Variants in PEX5L observed in about 807,000 individuals in gnomAD.
PEX5L encodes PEX5-related protein.
A neutral mutation model predicts 84.0 loss-of-function variants in PEX5L; 30 were observed. The observed-to-expected ratio is 0.36, with a 90% CI of 0.27 to 0.48. The LOEUF (loss-of-function observed/expected upper bound fraction) is 0.48, where lower values mean the gene tolerates loss of function less well. PEX5L is among the 20% of genes least tolerant of loss of function. PEX5L has a pLI of 0.99. For missense variants in PEX5L, 533 were observed against 754.6 expected (o/e 0.71, Z 3.44); for synonymous variants, 270 against 283.1 (o/e 0.95, Z 0.46).
intron 2 of PEX5L, among the ~76,000 whole-genome samples, chr3:179,935,390 A>AT (rs1198919273): frequency 8.5e-5 from 13 of 152,138 alleles, no homozygotes; most frequent in Admixed American, 6.5e-4. Flanking sequence ...ACTTGTAAGT[A>AT]TTTTCCTGTT....
At chr3:179,990,481 C>T (rs1211449377) in intron 1 of PEX5L, among the ~76,000 whole-genome samples, 1 of 152,054 alleles carries the variant, frequency 6.6e-6, no homozygotes, top group Non-Finnish European at 1.5e-5. Flanking sequence ...TCACTGTAGG[C>T]TCAACCTCCC....
intron 2 of PEX5L, among the ~76,000 whole-genome samples, chr3:179,942,215 C>T (rs1436680778): frequency 1.3e-5 from 2 of 152,154 alleles, no homozygotes; most frequent in African/African-American, 4.8e-5. Flanking sequence ...ATTGTGACAG[C>T]CCTTTCTGCA....
intron 8 of PEX5L, among the ~76,000 whole-genome samples, chr3:179,843,156 G>C (rs952351015): frequency 2.2e-4 from 34 of 152,148 alleles, no homozygotes; most frequent in Non-Finnish European, 1.3e-4. Flanking sequence ...CTGATACTCA[G>C]GGCTGGCCCT....
chr3:180,005,071 T>A (rs1354181260), intron 1 of PEX5L, among the ~76,000 whole-genome samples: 1 of 152,124 alleles, frequency 6.6e-6, no homozygotes, highest in Admixed American at 6.5e-5. Flanking sequence ...TGTTTAAGCA[T>A]AAGAGAGTAA....
chr3:179,925,112 A>G (rs1560740681), intron 2 of PEX5L, among the ~76,000 whole-genome samples: 1 of 152,226 alleles, frequency 6.6e-6, no homozygotes, highest in Admixed American at 6.5e-5. Context: ...CTCAGAGGCC[A>G]GTGGAAGTGC....
intron 5 of PEX5L, among the ~76,000 whole-genome samples, chr3:179,875,823 T>A (rs992548761): frequency 2.6e-5 from 4 of 152,202 alleles, no homozygotes; most frequent in Non-Finnish European, 5.9e-5. Context: ...GCCTGTGCGA[T>A]CTGGTGTAGA....
At chr3:179,872,596 A>G (rs1304280480) in intron 7 of PEX5L, among the ~76,000 whole-genome samples, 2 of 152,330 alleles carry the variant, frequency 1.3e-5, no homozygotes, top group East Asian at 3.9e-4. Context: ...GTGGGACGAA[A>G]TCAGACAACC....
intron 14 of PEX5L, among the ~76,000 whole-genome samples, chr3:179,806,974 C>T (rs1183647767): frequency 1.7e-4 from 26 of 151,592 alleles, no homozygotes; most frequent in Non-Finnish European, 2.9e-5. Context: ...AAAGTAATAC[C>T]GGTTTATTTA....
At chr3:180,001,526 C>T (rs184444291) in intron 1 of PEX5L, among the ~76,000 whole-genome samples, 16 of 151,466 alleles carry the variant, frequency 1.1e-4, no homozygotes, top group African/African-American at 2.4e-5. Context: ...CATAGAGGAA[C>T]GCTTCAAACC....
chr3:179,990,779 A>C (rs1787310744), intron 1 of PEX5L, among the ~76,000 whole-genome samples: 2 of 152,192 alleles, frequency 1.3e-5, no homozygotes, highest in Admixed American at 1.3e-4. Flanking sequence ...AACATTGCTC[A>C]GCATTTTACT....
chr3:179,860,503 G>C (rs1244901051), intron 7 of PEX5L, among the ~76,000 whole-genome samples: 11 of 152,332 alleles, frequency 7.2e-5, no homozygotes, highest in Admixed American at 7.2e-4. Context: ...GGTGGGACCC[G>C]GGCCTTTGAT....
In PEX5L at chr3:179,971,611, T is replaced by C. The variant is rs776048871; in HGVS notation, c.76A>G (p.Ile26Val). ...KLSSDEDLEIIVDQKQGKGSR... is the reference protein window; with the variant it reads ...KLSSDEDLEIVVDQKQGKGSR... ...TCACTTACCTGCTTTTGATCAACAATTATTTCGAGGTCTTCATCACTGCTT... is the reference window on the plus strand; with the variant it reads ...TCACTTACCTGCTTTTGATCAACAACTATTTCGAGGTCTTCATCACTGCTT... Residue 26 changes from isoleucine (I) to valine (V), a missense_variant, in exon 2 of 15, where the codon ATT (isoleucine) becomes GTT (valine). Ile to Val is a conservative substitution (Grantham distance 29). Around this residue, in one of 8 missense-constraint regions of PEX5L, gnomAD observed 259 missense variants for 301.7 expected, o/e 0.86. Transcript: ENST00000467460. 3 of 1,608,258 alleles carry C rather than the reference T, an allele frequency of 1.9e-6. No homozygotes were observed. The highest frequency in any genetic ancestry group is 1.7e-6 in the Non-Finnish European group (2 of 1,177,484).
intron 1 of PEX5L, among the ~76,000 whole-genome samples, chr3:180,018,453 G>C (rs1790128916): frequency 6.6e-6 from 1 of 152,144 alleles, no homozygotes; most frequent in Non-Finnish European, 1.5e-5. Context: ...GCCTTGGTTG[G>C]TGATATGGCC....
At position 179,795,105 on chromosome 3, in the gene PEX5L, A is replaced by T. The variant is rs1464652615; in HGVS notation, c.*6723T>A. The T allele has an allele frequency of 6.6e-6, 1 of 152,172 alleles. No homozygotes were observed. The allele number at this position is 152,172 out of a possible 1,614,324, so 9.4% of individuals were successfully genotyped here. On this transcript the variant is annotated 3_prime_UTR_variant, in exon 15 of 15. Coordinates refer to ENST00000467460, the MANE Select transcript of PEX5L (RefSeq NM_016559.3). Reference sequence around the variant, plus strand: ...TGCATTCCTGATTTCCAGATAGCTCATGCAAAATCATATGTAGTGATATTC... The same window carrying T: ...TGCATTCCTGATTTCCAGATAGCTCTTGCAAAATCATATGTAGTGATATTC...
intron 1 of PEX5L, among the ~76,000 whole-genome samples, chr3:179,988,715 C>A (rs1787106642): frequency 6.6e-6 from 1 of 152,180 alleles, no homozygotes; most frequent in South Asian, 2.1e-4. Flanking sequence ...TGTATGTAAA[C>A]ACCTGCTTTA....
In PEX5L at chr3:179,911,412, G is replaced by A. The variant is rs112258617; in HGVS notation, c.94-13166C>T. Among the ~76,000 whole-genome samples the A allele has an allele frequency of 1.7e-4, 26 of 151,512 alleles. 1 individual carries two copies. The highest frequency in any genetic ancestry group is 5.3e-4 in the African/African-American group (22 of 41,268). ...CAATAATACTTTCTTGTGTGATCTC[G>A]GGCAGAGATCTTTTTTTTCTCTAAG... is the stretch of plus-strand genomic sequence containing the variant. On this transcript the variant is annotated intron_variant, in intron 2 of 14. Coordinates refer to ENST00000467460, the MANE Select transcript of PEX5L (RefSeq NM_016559.3).
intron 2 of PEX5L, among the ~76,000 whole-genome samples, chr3:179,954,216 A>AGGGG (rs1491493938): frequency 4.6e-4 from 51 of 111,456 alleles, no homozygotes; most frequent in Admixed American, 1.1e-3. Context: ...GGGGGGGGGG[A>AGGGG]AAAAGTCAGC....
At chr3:179,919,224 C>T (rs953439564) in intron 2 of PEX5L, among the ~76,000 whole-genome samples, 2 of 152,208 alleles carry the variant, frequency 1.3e-5, no homozygotes, top group Non-Finnish European at 2.9e-5. Context: ...GGTTCTAATA[C>T]TTCCTTTAAT....
chr3:180,021,511 G>T (rs988812097), intron 1 of PEX5L, among the ~76,000 whole-genome samples: 2 of 152,166 alleles, frequency 1.3e-5, no homozygotes, highest in African/African-American at 4.8e-5. Context: ...AAAGATGATT[G>T]CACTTAGAAA....
Sources: allele counts gnomAD v4.1 joint callset (sites outside exome capture counted in the v4.1 genomes callset), GRCh38; gene constraint gnomAD v4.1.1; regional missense constraint gnomAD v4.1.1; transcripts MANE v1.5; gene names NCBI Gene and HGNC (gene_info 2026-07-23, HGNC 2026-07-21).